Variants in PMS2 observed in about 807,000 individuals in gnomAD.
PMS2 encodes mismatch repair endonuclease PMS2.
PMS2 carries 69 observed loss-of-function variants against 90.0 expected under a neutral mutation model. The observed-to-expected ratio is 0.77, with a 90% CI of 0.63 to 0.94. The LOEUF (loss-of-function observed/expected upper bound fraction) is 0.94. Among genes scored for constraint, PMS2 ranks in the 40% least tolerant of loss-of-function variants. The pLI is 0.00. For synonymous variants in PMS2, 332 were observed against 375.1 expected (o/e 0.89, Z 1.33); for missense variants, 966 against 1,040.2 (o/e 0.93, Z 0.98).
chr7:5,988,153 T>C (rs1783273656), intron 10 of PMS2, among the ~76,000 whole-genome samples: 1 of 148,924 alleles, frequency 6.7e-6, no homozygotes, highest in Non-Finnish European at 1.5e-5. Flanking sequence ...CTCACAAAGA[T>C]CAGGATCAAG....
At chr7:6,008,384 C>T (rs1482674555) in intron 1 of PMS2, among the ~76,000 whole-genome samples, 1 of 152,110 alleles carries the variant, frequency 6.6e-6, no homozygotes, top group Non-Finnish European at 1.5e-5. Context: ...AAACGTATTG[C>T]ATTTTTAAAA....
intron 2 of PMS2, chr7:6,004,281 T>TC (rs973753462): frequency 1.2e-5 from 5 of 427,028 alleles, no homozygotes; most frequent in African/African-American, 1.0e-4. Flanking sequence ...TCTTTTTTTT[T>TC]CCCTAGGCTA....
chr7:5,989,780 G>A lies in PMS2; in HGVS notation c.1144+20C>T, dbSNP rs750883624. 1.9e-6 allele frequency: 3 copies of A among 1,598,780 alleles called. No homozygotes were observed. Among genetic ancestry groups the A allele is most frequent in the Non-Finnish European group, 1.7e-6 (2 of 1,167,154 alleles). On this transcript the variant is annotated intron_variant, in intron 10 of 14. Coordinates refer to ENST00000265849, the MANE Select transcript of PMS2 (RefSeq NM_000535.7). ...TAGCTAAAAGCTTTAGAAGCTGTTTGTACACTGTATTTTTCTTACCTTCAA... is the reference window on the plus strand; with the variant it reads ...TAGCTAAAAGCTTTAGAAGCTGTTTATACACTGTATTTTTCTTACCTTCAA...
chr7:5,983,501 A>G (rs1301900133), intron 11 of PMS2, among the ~76,000 whole-genome samples: 1 of 151,838 alleles, frequency 6.6e-6, no homozygotes, highest in Admixed American at 6.6e-5. Context: ...ATTTAAATGG[A>G]ATATATCCTT....
At chr7:5,999,069 A>G in intron 6 of PMS2, 39 bp downstream of exon 6, 1 of 1,577,528 alleles carries the variant, frequency 6.3e-7, no homozygotes, top group Non-Finnish European at 8.7e-7. Flanking sequence ...TATAATCACT[A>G]GAGCAATAAG....
rs1554304105 is a variant in PMS2 at position 6,002,620 on chromosome 7, T to C, written c.370A>G (p.Thr124Ala). ...CCAACCTTCGCCGATGCGTGGCAGG[T>C]AGAAATGGTGACATCGCTGTGAGAG... ...LCALSDVTIS[T>A]CHASAKVGTR... The change falls in exon 5 of 15, where the codon ACC becomes GCC. Residue 124 changes from threonine (T) to alanine (A), a missense_variant. Thr to Ala is a moderately conservative substitution (Grantham distance 58, BLOSUM62 0). Coordinates refer to ENST00000265849, the MANE Select transcript of PMS2 (RefSeq NM_000535.7). The C allele has an allele frequency of 6.2e-7, 1 of 1,611,684 alleles. No homozygotes were observed.
At chr7:5,984,049 C>T (rs868372843) in intron 11 of PMS2, among the ~76,000 whole-genome samples, 4 of 151,850 alleles carry the variant, frequency 2.6e-5, no homozygotes, top group Admixed American at 6.6e-5. Context: ...CAGTTGTTTC[C>T]AATTTCAATA....
intron 2 of PMS2, among the ~76,000 whole-genome samples, chr7:6,005,483 C>T (rs199522613): frequency 1.3e-5 from 2 of 152,150 alleles, no homozygotes; most frequent in African/African-American, 4.8e-5. Context: ...GGATTACAGG[C>T]GTGAGCCACT....
At chr7:5,983,499 G>A (rs1056791071) in intron 11 of PMS2, among the ~76,000 whole-genome samples, 21 of 151,412 alleles carry the variant, frequency 1.4e-4, no homozygotes, top group African/African-American at 5.1e-4. Context: ...CGATTTAAAT[G>A]GAATATATCC....
intron 7 of PMS2, among the ~76,000 whole-genome samples, chr7:5,996,243 C>T (rs761788225): frequency 1.4e-4 from 21 of 152,100 alleles, no homozygotes; most frequent in South Asian, 8.3e-4. Context: ...AGGCAACAAA[C>T]AAACAAACAA....
At chr7:5,990,899 G>A (rs76190314) in intron 9 of PMS2, among the ~76,000 whole-genome samples, 4 of 152,096 alleles carry the variant, frequency 2.6e-5, no homozygotes, top group East Asian at 3.9e-4. Context: ...CCTGTAATCC[G>A]TGCTACTCAG....
intron 14 of PMS2, among the ~76,000 whole-genome samples, chr7:5,976,095 C>T (rs1376526404): frequency 7.0e-6 from 1 of 143,346 alleles, no homozygotes; most frequent in Non-Finnish European, 1.5e-5. Flanking sequence ...AAAAATTAGC[C>T]AGGTGTGGTG....
intron 7 of PMS2, among the ~76,000 whole-genome samples, chr7:5,996,591 ATAT>A (rs1232396533): frequency 1.1e-4 from 9 of 85,344 alleles, no homozygotes; most frequent in South Asian, 8.9e-4. Flanking sequence ...AAAAAAAAAA[ATAT>A]ATATATATAT....
intron 11 of PMS2, among the ~76,000 whole-genome samples, chr7:5,983,400 C>A (rs866003101): frequency 6.6e-6 from 1 of 151,172 alleles, no homozygotes; most frequent in African/African-American, 2.5e-5. Context: ...TGAGCCACTG[C>A]GTTCGGCTTA....
rs2429575 is a variant in PMS2, at chr7:5,978,202, T to A, written c.2275+394A>T. Among the ~76,000 whole-genome samples the A allele has an allele frequency of 1.3e-5, 2 of 150,126 alleles. 1 individual carries two copies. The highest frequency in any genetic ancestry group is 3.0e-5 in the Non-Finnish European group (2 of 67,362). ...GGAACTTTTTAATCTTTTATAAAAT[T>A]AAAAAAAACTGGTCTATATGACCTG... On this transcript the variant is annotated intron_variant, in intron 13 of 14. Coordinates refer to ENST00000265849, the MANE Select transcript of PMS2 (RefSeq NM_000535.7).
intron 14 of PMS2, among the ~76,000 whole-genome samples, chr7:5,977,211 C>A (rs1191931155): frequency 6.7e-6 from 1 of 149,330 alleles, no homozygotes; most frequent in African/African-American, 2.4e-5. Flanking sequence ...CCCGACACCA[C>A]GCCCGGCTAA....
At chr7:6,000,809 G>A (rs1785004938) in intron 5 of PMS2, among the ~76,000 whole-genome samples, 1 of 152,020 alleles carries the variant, frequency 6.6e-6, no homozygotes, top group East Asian at 1.9e-4. Flanking sequence ...TAGCCAACAT[G>A]GTGAAACTCC....
At chr7:6,004,171 G>C in intron 2 of PMS2, 113 bp from the exon 3 acceptor site, 1 of 681,872 alleles carries the variant, frequency 1.5e-6, no homozygotes, top group Non-Finnish European at 2.6e-6. Context: ...TATACCTTTA[G>C]TTAAACATAC....
At chr7:6,004,143 A>G in intron 2 of PMS2, 85 bp from the exon 3 acceptor site, 1 of 783,060 alleles carries the variant, frequency 1.3e-6, no homozygotes, top group Non-Finnish European at 2.2e-6. Flanking sequence ...TAACATATGC[A>G]AATTTAAGAG....
Sources: allele counts gnomAD v4.1 joint callset (sites outside exome capture counted in the v4.1 genomes callset), GRCh38; gene constraint gnomAD v4.1.1; transcripts MANE v1.5; gene names NCBI Gene and HGNC (gene_info 2026-07-23, HGNC 2026-07-21).